The following MIPOL1 variants were observed in gnomAD, a reference collection of about 807,000 sequenced individuals.
MIPOL1 encodes mirror-image polydactyly 1.
In MIPOL1, 57 loss-of-function variants were observed where a neutral mutation model predicts 60.9. The observed-to-expected ratio is 0.94, with a 90% CI of 0.76 to 1.17. MIPOL1 has a LOEUF of 1.17. Among genes scored for constraint, MIPOL1 ranks in the 50% most tolerant of loss-of-function variants. The probability of loss-of-function intolerance (pLI) is 0.00; values close to 1 mark genes in which losing one functional copy is unlikely to be tolerated. For missense variants in MIPOL1, 551 were observed against 511.6 expected (o/e 1.08, Z -0.74); for synonymous variants, 179 against 168.8 (o/e 1.06, Z -0.47).
chr14:37,313,820 G>A (rs1051456187), intron 9 of MIPOL1, among the ~76,000 whole-genome samples: 4 of 152,148 alleles, frequency 2.6e-5, no homozygotes, highest in Non-Finnish European at 5.9e-5. Flanking sequence ...ATATGAAAAG[G>A]TGCATACAGG....
chr14:37,410,718 G>T (rs2093667779), intron 10 of MIPOL1, among the ~76,000 whole-genome samples: 1 of 152,040 alleles, frequency 6.6e-6, no homozygotes, highest in Non-Finnish European at 1.5e-5. Flanking sequence ...AGAGTTAAAG[G>T]ATTTTAAGGT....
chr14:37,365,051 T>A (rs1014977567), intron 9 of MIPOL1, among the ~76,000 whole-genome samples: 1 of 152,210 alleles, frequency 6.6e-6, no homozygotes, highest in Non-Finnish European at 1.5e-5. Context: ...GTATGTTGAT[T>A]TTGTATCCTG....
intron 9 of MIPOL1, among the ~76,000 whole-genome samples, chr14:37,350,600 GTTATTT>G (rs1595308918): frequency 6.6e-6 from 1 of 151,984 alleles, no homozygotes; most frequent in Non-Finnish European, 1.5e-5. Context: ...TATTCTTTTA[GTTATTT>G]TTAAATGTAC....
At position 37,386,866 on chromosome 14, in the gene MIPOL1, A is replaced by G. The variant is rs145843304; in HGVS notation, c.936+17242A>G. On this transcript the variant is annotated intron_variant, in intron 10 of 12. Transcript: ENST00000684589. Reference sequence around the variant, plus strand: ...ATTTTAACAATATCGTTCATACTCCATAATGGCTACACATATATCTGTGTT... The same window carrying G: ...ATTTTAACAATATCGTTCATACTCCGTAATGGCTACACATATATCTGTGTT... 2.2e-3 allele frequency among the ~76,000 whole-genome samples: 336 copies of G among 152,098 alleles called. 1 individual carries two copies. Among genetic ancestry groups the G allele is most frequent in the Non-Finnish European group, 4.0e-3 (273 of 67,862 alleles).
At chr14:37,436,465 A>T (rs1795042852) in intron 11 of MIPOL1, among the ~76,000 whole-genome samples, 1 of 152,222 alleles carries the variant, frequency 6.6e-6, no homozygotes. Flanking sequence ...TAAACTAGTT[A>T]AAAATATTTG....
In MIPOL1 at chr14:37,243,921, C is replaced by G. The variant is rs185029590; in HGVS notation, c.-198-3182C>G. Among the ~76,000 whole-genome samples the G allele has an allele frequency of 7.6e-4, 116 of 152,040 alleles. 2 individuals carry two copies. In the East Asian group the frequency reaches 0.021, roughly 28 times the overall value. The stretch of plus-strand genomic sequence containing the variant: ...TTTAATGCTGAGTAAATAGGAGAGT[C>G]AAGTCACATTTGAGAGCATAGGGAT... On this transcript the variant is annotated intron_variant, in intron 1 of 12. Coordinates refer to ENST00000684589, the MANE Select transcript of MIPOL1 (RefSeq NM_001388067.1).
chr14:37,207,369 G>T (rs1966254408), intron 1 of MIPOL1, among the ~76,000 whole-genome samples: 2 of 152,114 alleles, frequency 1.3e-5, no homozygotes, highest in African/African-American at 4.8e-5. Flanking sequence ...GTGGAACTGT[G>T]AGTCTATTAA....
chr14:37,297,411 C>G (rs1176099081), intron 7 of MIPOL1, among the ~76,000 whole-genome samples: 1 of 152,150 alleles, frequency 6.6e-6, no homozygotes, highest in Non-Finnish European at 1.5e-5. Context: ...GGGATGCGCT[C>G]TCTCACCACT....
intron 9 of MIPOL1, among the ~76,000 whole-genome samples, chr14:37,322,437 A>G (rs1012948000): frequency 7.9e-5 from 12 of 152,130 alleles, no homozygotes; most frequent in African/African-American, 2.9e-4. Flanking sequence ...GTTTGACATC[A>G]CAATATATCT....
intron 11 of MIPOL1, among the ~76,000 whole-genome samples, chr14:37,450,033 G>A (rs978277295): frequency 6.6e-6 from 1 of 152,070 alleles, no homozygotes; most frequent in Non-Finnish European, 1.5e-5. Context: ...GGCTGGTCTC[G>A]AACTCCTGAC....
At chr14:37,340,697 A>C (rs1026375956) in intron 9 of MIPOL1, among the ~76,000 whole-genome samples, 4 of 151,974 alleles carry the variant, frequency 2.6e-5, no homozygotes, top group Admixed American at 1.3e-4. Flanking sequence ...CTGTCTCAAA[A>C]AAAAAAAAAA....
rs1156889122 is a variant in MIPOL1 at position 37,550,596 on chromosome 14, G to T, written c.*3625G>T. ...TAGGCTCCAGTGATTTCAGTGTTTTGTTCATGTTTTATTGGAAATGCACGT... is the reference window on the plus strand; with the variant it reads ...TAGGCTCCAGTGATTTCAGTGTTTTTTTCATGTTTTATTGGAAATGCACGT... On this transcript the variant is annotated 3_prime_UTR_variant, in exon 13 of 13. Transcript: ENST00000684589. The T allele has an allele frequency of 3.9e-5, 6 of 152,038 alleles. No individual in the cohort carries two copies. The highest frequency in any genetic ancestry group is 8.8e-5 in the Non-Finnish European group (6 of 67,858). 9.4% of individuals were successfully genotyped at this position (152,038 alleles called of 1,614,324 possible).
At chr14:37,287,812 A>G (rs893018345) in intron 7 of MIPOL1, among the ~76,000 whole-genome samples, 2 of 152,132 alleles carry the variant, frequency 1.3e-5, no homozygotes, top group Admixed American at 6.5e-5. Context: ...AAAATTGAAT[A>G]GAGCCAGGGT....
At position 37,227,052 on chromosome 14, in the gene MIPOL1, G is replaced by A. The variant is rs908200555; in HGVS notation, c.-198-20051G>A. Among the ~76,000 whole-genome samples the A allele has an allele frequency of 4.6e-5, 7 of 152,306 alleles. No homozygotes were observed. In the East Asian group the frequency reaches 7.7e-4, roughly 17 times the overall value. On this transcript the variant is annotated intron_variant, in intron 1 of 12. Transcript: ENST00000684589. ...GAGCTAGGGAACTCATAAGGCATATGTATTAGTTTCCTACTGCTGCTGTAA... is the reference window on the plus strand; with the variant it reads ...GAGCTAGGGAACTCATAAGGCATATATATTAGTTTCCTACTGCTGCTGTAA...
chr14:37,199,189 A>G (rs1179847900), intron 1 of MIPOL1, among the ~76,000 whole-genome samples: 1 of 152,008 alleles, frequency 6.6e-6, no homozygotes, highest in Admixed American at 6.5e-5. Context: ...GAATTTTCAC[A>G]AAGTGTAAAT....
intron 1 of MIPOL1, among the ~76,000 whole-genome samples, chr14:37,205,655 T>C (rs1000729216): frequency 5.9e-5 from 9 of 152,114 alleles, no homozygotes; most frequent in Non-Finnish European, 1.3e-4. Context: ...TGTGTGATGT[T>C]GCCTACCCTG....
intron 11 of MIPOL1, among the ~76,000 whole-genome samples, chr14:37,489,739 G>T (rs529900782): frequency 6.6e-6 from 1 of 152,274 alleles, no homozygotes; most frequent in East Asian, 1.9e-4. Context: ...TTTGCTGGAG[G>T]TCCACTCTAG....
intron 11 of MIPOL1, 139 bp from the exon 12 acceptor site, chr14:37,499,769 A>C (rs2095187976): frequency 4.1e-6 from 2 of 482,790 alleles, no homozygotes. Flanking sequence ...GTTGTGACAT[A>C]AAAATTATTT....
intron 10 of MIPOL1, among the ~76,000 whole-genome samples, chr14:37,386,888 T>C (rs2093084497): frequency 6.6e-6 from 1 of 152,092 alleles, no homozygotes; most frequent in South Asian, 2.1e-4. Context: ...CATATATCTG[T>C]GTTCTAATCC....
Sources: gnomAD v4.1 joint callset for allele counts (sites outside exome capture counted in the v4.1 genomes callset) on GRCh38, gnomAD v4.1.1 for gene constraint, MANE v1.5 for transcripts, NCBI Gene and HGNC (gene_info 2026-07-23, HGNC 2026-07-21) for gene names.